CALD1: variants seen among roughly 807,000 people sequenced by gnomAD.
CALD1 encodes caldesmon.
CALD1 carries 33 observed loss-of-function variants against 99.9 expected under a neutral mutation model. The observed-to-expected ratio is 0.33, with a 90% CI of 0.25 to 0.44. CALD1 has a LOEUF of 0.44. Ranked by LOEUF, CALD1 falls within the 20% of genes least tolerant of loss-of-function variation. The pLI is 1.00. For missense variants in CALD1, 861 were observed against 962.1 expected, an observed-to-expected ratio of 0.89 and a Z score of 1.39; for synonymous variants, 310 against 325.0, an observed-to-expected ratio of 0.95 and a Z score of 0.50.
intron 1 of CALD1, among the ~76,000 whole-genome samples, chr7:134,816,174 C>T (rs970196500): frequency 3.9e-5 from 6 of 152,126 alleles, no homozygotes; most frequent in Admixed American, 2.6e-4. Context: ...TTGTTATGCA[C>T]AAATATGGAC....
At chr7:134,840,700 A>G (rs1372977023) in intron 1 of CALD1, among the ~76,000 whole-genome samples, 1 of 152,226 alleles carries the variant, frequency 6.6e-6, no homozygotes, top group African/African-American at 2.4e-5. Context: ...GTATCCTGTC[A>G]TGGAAGGAGC....
chr7:134,814,806 C>T (rs1798493901), intron 1 of CALD1, among the ~76,000 whole-genome samples: 2 of 152,144 alleles, frequency 1.3e-5, no homozygotes. Context: ...CCTGTTGACT[C>T]CTGGAATTAA....
At chr7:134,768,499 C>A (rs1796846311) in intron 1 of CALD1, among the ~76,000 whole-genome samples, 1 of 152,276 alleles carries the variant, frequency 6.6e-6, no homozygotes, top group South Asian at 2.1e-4. Context: ...GAGGACCTCA[C>A]AGTCAGGGCA....
chr7:134,824,376 T>C (rs1483561463), intron 1 of CALD1, among the ~76,000 whole-genome samples: 1 of 152,220 alleles, frequency 6.6e-6, no homozygotes, highest in Non-Finnish European at 1.5e-5. Context: ...AAGATATCAA[T>C]TGCTCTATTC....
chr7:134,908,571 G>T (rs1803569739), intron 3 of CALD1, among the ~76,000 whole-genome samples: 1 of 152,096 alleles, frequency 6.6e-6, no homozygotes, highest in African/African-American at 2.4e-5. Flanking sequence ...AATCATTTGG[G>T]GAGCTTTCAA....
intron 3 of CALD1, among the ~76,000 whole-genome samples, chr7:134,883,023 A>G (rs1338334891): frequency 2.0e-5 from 3 of 152,214 alleles, no homozygotes; most frequent in African/African-American, 7.2e-5. Flanking sequence ...TCATCATAAA[A>G]TATACCCTTT....
chr7:134,844,661 G>A (rs918674812), intron 2 of CALD1, among the ~76,000 whole-genome samples: 1 of 152,166 alleles, frequency 6.6e-6, no homozygotes, highest in African/African-American at 2.4e-5. Context: ...CCACAGACTG[G>A]GTGGCTTAAA....
chr7:134,752,653 C>A (rs1230759676), intron 1 of CALD1, among the ~76,000 whole-genome samples: 1 of 152,124 alleles, frequency 6.6e-6, no homozygotes, highest in Non-Finnish European at 1.5e-5. Flanking sequence ...AAATTTCGAG[C>A]CTGATTTATG....
At chr7:134,954,236 C>T (rs1359665840) in intron 9 of CALD1, among the ~76,000 whole-genome samples, 1 of 152,180 alleles carries the variant, frequency 6.6e-6, no homozygotes, top group Non-Finnish European at 1.5e-5. Flanking sequence ...GACTGATTTT[C>T]ATATGCAATA....
chr7:134,746,280 C>T (rs149366450), intron 1 of CALD1, among the ~76,000 whole-genome samples: 20 of 152,304 alleles, frequency 1.3e-4, no homozygotes, highest in Non-Finnish European at 2.8e-4. Context: ...GTCCCCTTCA[C>T]TCTGTGAGGA....
At position 134,896,119 on chromosome 7, in the gene CALD1, G is replaced by A. The variant is rs531447588; in HGVS notation, c.71+28315G>A. On this transcript the variant is annotated intron_variant, in intron 3 of 14. Coordinates refer to ENST00000361675, the MANE Select transcript of CALD1 (RefSeq NM_033138.4). ...CAGTCGGAACTGGCTTAGACTGTGT[G>A]GTCCAACCCTAGCCAATAGGGAACA... Among the ~76,000 whole-genome samples the A allele has an allele frequency of 1.9e-4, 29 of 152,250 alleles. No homozygotes were observed. In the South Asian group the frequency reaches 2.3e-3, roughly 12 times the overall value.
chr7:134,918,283 C>G (rs187859409), intron 3 of CALD1, among the ~76,000 whole-genome samples: 1 of 152,150 alleles, frequency 6.6e-6, no homozygotes, highest in East Asian at 1.9e-4. Flanking sequence ...GAAAATGGCA[C>G]CAATTGAAAA....
At chr7:134,877,005 C>T (rs1010294659) in intron 3 of CALD1, among the ~76,000 whole-genome samples, 1 of 152,200 alleles carries the variant, frequency 6.6e-6, no homozygotes, top group African/African-American at 2.4e-5. Context: ...TACTCCGCCT[C>T]TCTCAGCCCA....
the CALD1 span, among the ~76,000 whole-genome samples, chr7:134,735,433 CTTGGGTGGTAAT>C: frequency 6.6e-6 from 1 of 152,052 alleles, no homozygotes; most frequent in Non-Finnish European, 1.5e-5. Flanking sequence ...GAAACATAAA[CTTGGGTGGTAAT>C]GCCATATATG....
chr7:134,845,877 T>C (rs957928688), intron 2 of CALD1, among the ~76,000 whole-genome samples: 2 of 152,228 alleles, frequency 1.3e-5, no homozygotes, highest in African/African-American at 2.4e-5. Context: ...TGAGAACATG[T>C]AGATGAGCTA....
chr7:134,717,258 G>A, the CALD1 span, among the ~76,000 whole-genome samples: 1 of 152,062 alleles, frequency 6.6e-6, no homozygotes, highest in African/African-American at 2.4e-5. Context: ...GTGTTGCATA[G>A]GTCTATGTGT....
chr7:134,722,561 A>T, the CALD1 span, among the ~76,000 whole-genome samples: 1 of 152,030 alleles, frequency 6.6e-6, no homozygotes, highest in South Asian at 2.1e-4. Flanking sequence ...AGCTAGGATT[A>T]CAGGAGCATG....
intron 1 of CALD1, among the ~76,000 whole-genome samples, chr7:134,839,270 G>A (rs1452076526): frequency 1.3e-5 from 2 of 152,166 alleles, no homozygotes; most frequent in Admixed American, 1.3e-4. Context: ...TTGCTATATA[G>A]GGTTTCATTG....
At chr7:134,828,034 T>A (rs1799073202) in intron 1 of CALD1, among the ~76,000 whole-genome samples, 1 of 152,206 alleles carries the variant, frequency 6.6e-6, no homozygotes, top group African/African-American at 2.4e-5. Flanking sequence ...TTCGTTGATG[T>A]GAACAGATAA....
Sources: gnomAD v4.1 joint callset for allele counts (sites outside exome capture counted in the v4.1 genomes callset) on GRCh38, gnomAD v4.1.1 for gene constraint, MANE v1.5 for transcripts, NCBI Gene and HGNC (gene_info 2026-07-23, HGNC 2026-07-21) for gene names.